The following ZHX2 variants were observed in gnomAD, a reference collection of about 807,000 sequenced individuals.
ZHX2 encodes the protein zinc fingers and homeoboxes protein 2.
A neutral mutation model predicts 21.9 loss-of-function variants in ZHX2; 6 were observed. The ratio of observed to expected loss-of-function variants is 0.27; its 90% CI spans 0.15 to 0.54. The LOEUF (loss-of-function observed/expected upper bound fraction) is 0.54. ZHX2 is among the 20% of genes least tolerant of loss of function. ZHX2 has a pLI of 0.95. For missense variants in ZHX2, 908 were observed against 1,090.7 expected, an observed-to-expected ratio of 0.83 and a Z score of 2.36; for synonymous variants, 434 against 437.1, an observed-to-expected ratio of 0.99 and a Z score of 0.09.
At chr8:122,872,125 C>A (rs77047816) in intron 2 of ZHX2, among the ~76,000 whole-genome samples, 6 of 151,910 alleles carry the variant, frequency 3.9e-5, no homozygotes, top group Non-Finnish European at 7.4e-5. Flanking sequence ...GGTCTGCAGG[C>A]GAAGAAAAAA....
chr8:122,842,861 T>C (rs1355338942), intron 1 of ZHX2, among the ~76,000 whole-genome samples: 1 of 152,252 alleles, frequency 6.6e-6, no homozygotes, highest in African/African-American at 2.4e-5. Context: ...TTTGGGGTTC[T>C]CAAACTCAGT....
chr8:122,920,703 C>T (rs1306904184), intron 2 of ZHX2, among the ~76,000 whole-genome samples: 1 of 152,100 alleles, frequency 6.6e-6, no homozygotes, highest in African/African-American at 2.4e-5. Context: ...TACCTGCCAC[C>T]CGGCAGGCCA....
intron 1 of ZHX2, among the ~76,000 whole-genome samples, chr8:122,852,889 C>T (rs2130746738): frequency 6.6e-6 from 1 of 152,232 alleles, no homozygotes; most frequent in Non-Finnish European, 1.5e-5. Flanking sequence ...TCCCCTCATT[C>T]ACTCTGTGTG....
intron 1 of ZHX2, among the ~76,000 whole-genome samples, chr8:122,835,954 G>A (rs1412373659): frequency 6.6e-6 from 1 of 152,106 alleles, no homozygotes; most frequent in Non-Finnish European, 1.5e-5. Flanking sequence ...TCTTGCCTGA[G>A]GCCTAAGGTT....
chr8:122,918,386 G>A (rs10099926), intron 2 of ZHX2, among the ~76,000 whole-genome samples: 126,113 of 152,168 alleles, frequency 0.83, 52,391 homozygotes, highest in African/African-American at 0.88. Context: ...CCCAGAAAAC[G>A]AGAACTTTAA....
intron 2 of ZHX2, among the ~76,000 whole-genome samples, chr8:122,932,142 G>C (rs1020506801): frequency 6.6e-6 from 1 of 152,206 alleles, no homozygotes; most frequent in East Asian, 1.9e-4. Context: ...TCCCAAGAAA[G>C]AGCAGCTCAG....
At chr8:122,919,176 T>G (rs2130068643) in intron 2 of ZHX2, among the ~76,000 whole-genome samples, 1 of 152,308 alleles carries the variant, frequency 6.6e-6, no homozygotes, top group Admixed American at 6.5e-5. Context: ...TTCATCCAGT[T>G]CTTCTTTCAC....
chr8:122,952,672 G>A lies in ZHX2; in HGVS notation c.1162G>A (p.Val388Ile), dbSNP rs142123946. ...TCAGGTGACCAGCGGGTCAACAACC[G>A]TCTCTTGCTCCCCCATCACACTTGC... ...LTQVTSGSTTVSCSPITLAVA... is the reference protein window; with the variant it reads ...LTQVTSGSTTISCSPITLAVA... The change falls in exon 3 of 4, where the codon GTC becomes ATC. Residue 388 changes from valine (V) to isoleucine (I), a missense_variant. By Grantham distance (29) the Val-to-Ile change is conservative. Coordinates refer to ENST00000314393, the MANE Select transcript of ZHX2 (RefSeq NM_014943.5). This position sits in a 1 kb window ranked among gnomAD's most constrained non-coding sequence, Gnocchi z 6.9. 6,036 of 1,614,108 alleles carry A rather than the reference G, an allele frequency of 3.7e-3. 20 individuals are homozygous for A. The highest frequency in any genetic ancestry group is 4.9e-3 in the Admixed American group (297 of 60,016).
rs929310785 is a variant in ZHX2 at position 122,879,105 on chromosome 8, G to A, written c.-220+15566G>A. Reference sequence around the variant, plus strand: ...TGCCTCGGAACTCAAGGTTAGCCTCGTGCCTCTCGGCAGAATCTGTTACTC... The same window carrying A: ...TGCCTCGGAACTCAAGGTTAGCCTCATGCCTCTCGGCAGAATCTGTTACTC... On this transcript the variant is annotated intron_variant, in intron 2 of 3. Transcript: ENST00000314393. Among the ~76,000 whole-genome samples the A allele has an allele frequency of 9.9e-5, 15 of 152,194 alleles. No homozygotes were observed. In the East Asian group the frequency reaches 1.2e-3, roughly 12 times the overall value.
At chr8:122,936,186 C>T (rs1313768703) in intron 2 of ZHX2, among the ~76,000 whole-genome samples, 1 of 152,168 alleles carries the variant, frequency 6.6e-6, no homozygotes, top group Non-Finnish European at 1.5e-5. Context: ...AGATTGCTGG[C>T]GATGAGTGCC....
At chr8:122,793,329 G>A (rs2130544124) in intron 1 of ZHX2, among the ~76,000 whole-genome samples, 1 of 152,296 alleles carries the variant, frequency 6.6e-6, no homozygotes, top group East Asian at 1.9e-4. Context: ...GGACATCCAG[G>A]CCCTCTTCAG....
chr8:122,871,892 T>C (rs760966360), intron 2 of ZHX2, among the ~76,000 whole-genome samples: 49 of 152,066 alleles, frequency 3.2e-4, no homozygotes, highest in Non-Finnish European at 5.3e-4. Context: ...CAGGAAGGGA[T>C]AGATGTATTG....
chr8:122,885,596 A>G (rs1395556809), intron 2 of ZHX2, among the ~76,000 whole-genome samples: 1 of 152,038 alleles, frequency 6.6e-6, no homozygotes, highest in Non-Finnish European at 1.5e-5. Context: ...AATCAATTTT[A>G]CCTCCAAGGG....
rs368430233 is a variant in ZHX2, at chr8:122,952,425, C to T, written c.915C>T (p.His305=). 3.4e-5 allele frequency: 55 copies of T among 1,614,102 alleles called. No homozygotes were observed. Among genetic ancestry groups the T allele is most frequent in the African/African-American group, 6.7e-5 (5 of 74,936 alleles). The part of the protein sequence containing the change: ...LTAASKHPEE[H]IRIWFATQRL... ...CTGCCTCCAAACACCCAGAGGAGCA[C>T]ATCAGAATCTGGTTTGCCACCCAGC... The change falls in exon 3 of 4, where the codon CAC becomes CAT. Residue 305 remains histidine (H), a synonymous_variant. Coordinates refer to ENST00000314393, the MANE Select transcript of ZHX2 (RefSeq NM_014943.5). The surrounding 1 kb of genome is among the most constrained non-coding windows in gnomAD (Gnocchi z 6.9).
At chr8:122,900,937 T>A (rs1820214468) in intron 2 of ZHX2, among the ~76,000 whole-genome samples, 1 of 152,182 alleles carries the variant, frequency 6.6e-6, no homozygotes, top group Admixed American at 6.5e-5. Flanking sequence ...CTGCTTCCCA[T>A]GTGTTGCATA....
At chr8:122,807,840 T>A (rs1817853076) in intron 1 of ZHX2, 1 of 152,218 alleles carries the variant, frequency 6.6e-6, no homozygotes, top group Non-Finnish European at 1.5e-5. Flanking sequence ...ACCCAGGTGG[T>A]AAGTGGAAGA....
intron 1 of ZHX2, among the ~76,000 whole-genome samples, chr8:122,783,200 G>T (rs1586568799): frequency 2.0e-5 from 3 of 152,138 alleles, no homozygotes; most frequent in African/African-American, 7.2e-5. Flanking sequence ...GTTTCGCGGT[G>T]GCCTTTTGTT....
At chr8:122,818,967 C>T (rs1471457721) in intron 1 of ZHX2, among the ~76,000 whole-genome samples, 5 of 152,160 alleles carry the variant, frequency 3.3e-5, no homozygotes, top group Non-Finnish European at 5.9e-5. Context: ...AGATAGACCG[C>T]GTCCTTAGCC....
At chr8:122,941,573 TTGTC>T (rs1193961023) in intron 2 of ZHX2, among the ~76,000 whole-genome samples, 1 of 152,180 alleles carries the variant, frequency 6.6e-6, no homozygotes, top group African/African-American at 2.4e-5. Context: ...GTCCTCCAAA[TTGTC>T]TGTCATTCCC....
Sources: allele counts gnomAD v4.1 joint callset (sites outside exome capture counted in the v4.1 genomes callset), GRCh38; gene constraint gnomAD v4.1.1; non-coding constraint Gnocchi (gnomAD v3.1); transcripts MANE v1.5; gene names NCBI Gene and HGNC (gene_info 2026-07-23, HGNC 2026-07-21).